TLN2: variants seen among roughly 807,000 people sequenced by gnomAD.
TLN2 encodes the protein talin-2.
TLN2 carries 118 observed loss-of-function variants against 294.7 expected under a neutral mutation model. The ratio of observed to expected loss-of-function variants is 0.40; its 90% CI spans 0.34 to 0.47. The LOEUF (loss-of-function observed/expected upper bound fraction) is 0.47. TLN2 is among the 20% of genes least tolerant of loss of function. The pLI is 0.84. For synonymous variants in TLN2, 1,431 were observed against 1,304.5 expected, an observed-to-expected ratio of 1.10 and a Z score of -2.09; for missense variants, 3,083 against 3,282.2, an observed-to-expected ratio of 0.94 and a Z score of 1.48.
chr15:62,703,765 C>G (rs1421145958), intron 19 of TLN2, among the ~76,000 whole-genome samples: 1 of 152,052 alleles, frequency 6.6e-6, no homozygotes, highest in Non-Finnish European at 1.5e-5. Flanking sequence ...TTTTCAATAC[C>G]AGGGACCTGT....
chr15:62,798,656 G>T (rs1328921757), intron 48 of TLN2, among the ~76,000 whole-genome samples: 1 of 152,162 alleles, frequency 6.6e-6, no homozygotes. Context: ...AGTCTGTCTG[G>T]ACAAAACTGG....
At chr15:62,765,262 C>T (rs2062926452) in intron 40 of TLN2, among the ~76,000 whole-genome samples, 1 of 151,834 alleles carries the variant, frequency 6.6e-6, no homozygotes, top group South Asian at 2.1e-4. Context: ...AAACCCTTGG[C>T]CGTCTTGGAA....
In TLN2 at chr15:62,794,198, G is replaced by A. The variant is rs1017111098; in HGVS notation, c.5883+1411G>A. The stretch of plus-strand genomic sequence containing the variant: ...GCTGGCCTCGGCCGCTACCTGTCCC[G>A]GCTTTGGGTCCCTGATTTAGGACAC... On this transcript the variant is annotated intron_variant, in intron 46 of 58. Coordinates refer to ENST00000636159, the MANE Select transcript of TLN2 (RefSeq NM_015059.3). 4.6e-5 allele frequency among the ~76,000 whole-genome samples: 7 copies of A among 152,190 alleles called. No individual in the cohort carries two copies. The East Asian group carries it at 9.6e-4, about 21-fold the overall frequency.
At chr15:62,405,739 C>A (rs1595734181) in intron 1 of TLN2, among the ~76,000 whole-genome samples, 1 of 152,146 alleles carries the variant, frequency 6.6e-6, no homozygotes, top group Admixed American at 6.6e-5. Flanking sequence ...AGAAGCTGGC[C>A]TGAGTGCTGC....
At chr15:62,727,294 TC>T (rs2060491168) in intron 28 of TLN2, 105 bp downstream of exon 28, 1 of 983,480 alleles carries the variant, frequency 1.0e-6, no homozygotes, top group African/African-American at 1.6e-5. Context: ...GACATTTTTC[TC>T]CCAGCAGTTC....
chr15:62,750,291 C>T (rs1251087847), intron 33 of TLN2, 111 bp from the exon 34 acceptor site: 1 of 862,736 alleles, frequency 1.2e-6, no homozygotes, highest in African/African-American at 1.7e-5. Flanking sequence ...TAAAAGTGAT[C>T]ATGACCAGAA....
At chr15:62,740,553 G>A in intron 31 of TLN2, 77 bp from the exon 32 acceptor site, 2 of 1,585,906 alleles carry the variant, frequency 1.3e-6, no homozygotes, top group Admixed American at 1.7e-5. Context: ...ATGTCAGGAT[G>A]CTGCTCCTAG....
At chr15:62,784,954 A>G (rs1208681021) in intron 45 of TLN2, 2 of 152,066 alleles carry the variant, frequency 1.3e-5, no homozygotes, top group African/African-American at 4.8e-5. Flanking sequence ...AGAGACTCCG[A>G]GAGATATTCC....
rs2141277872 is a variant in TLN2 at position 62,843,215 on chromosome 15, C to T, written c.*2605C>T. ...ATGTGGTTCTTCTCACACCCCTCTA[C>T]TCCTCGAGGGCTTTGAATCCTTGGG... On this transcript the variant is annotated 3_prime_UTR_variant, in exon 59 of 59. Coordinates refer to ENST00000636159, the MANE Select transcript of TLN2 (RefSeq NM_015059.3). 1 of 152,338 alleles carries T rather than the reference C, an allele frequency of 6.6e-6. No homozygotes were observed. The highest frequency in any genetic ancestry group is 2.4e-5 in the African/African-American group (1 of 41,578). The allele number at this position is 152,338 out of a possible 1,614,324, so 9.4% of individuals were successfully genotyped here.
intron 1 of TLN2, among the ~76,000 whole-genome samples, chr15:62,466,549 G>T (rs1394939044): frequency 1.3e-5 from 2 of 152,356 alleles, no homozygotes; most frequent in Middle Eastern, 6.8e-3. Context: ...ATTGCTCCTT[G>T]TTGAGAACCG....
intron 28 of TLN2, among the ~76,000 whole-genome samples, chr15:62,733,237 C>T (rs1456148793): frequency 6.6e-6 from 1 of 152,152 alleles, no homozygotes; most frequent in Admixed American, 6.5e-5. Context: ...AGTTGCTGCC[C>T]AGAAAGTCAT....
chr15:62,668,591 G>A (rs1322192579), intron 9 of TLN2, among the ~76,000 whole-genome samples: 1 of 152,178 alleles, frequency 6.6e-6, no homozygotes, highest in South Asian at 2.1e-4. Context: ...TGCCTACAGG[G>A]TAACTTGGAG....
intron 1 of TLN2, among the ~76,000 whole-genome samples, chr15:62,515,500 A>G (rs965959949): frequency 1.1e-4 from 16 of 152,216 alleles, no homozygotes; most frequent in African/African-American, 3.4e-4. Context: ...AAATATAACT[A>G]TAACAGATCC....
intron 3 of TLN2, among the ~76,000 whole-genome samples, chr15:62,646,514 T>C (rs930647173): frequency 2.0e-5 from 3 of 152,204 alleles, no homozygotes; most frequent in Non-Finnish European, 4.4e-5. Flanking sequence ...AATATCTCCA[T>C]AGTTTGTCTA....
rs540380571 is a variant in TLN2 at position 62,409,410 on chromosome 15, A to T, written c.-238+18725A>T. 2.0e-5 allele frequency among the ~76,000 whole-genome samples: 3 copies of T among 152,280 alleles called. No individual in the cohort carries two copies. In the South Asian group the frequency reaches 6.2e-4, roughly 32 times the overall value. On this transcript the variant is annotated intron_variant, in intron 1 of 58. Transcript: ENST00000636159. ...ATACTGTTAGATTGTTTATATTGGC[A>T]TTTGTTTCCATTTTTTTCTGGCTGT...
At chr15:62,491,988 C>G (rs1265971252) in intron 1 of TLN2, among the ~76,000 whole-genome samples, 2 of 152,002 alleles carry the variant, frequency 1.3e-5, no homozygotes, top group African/African-American at 4.8e-5. Flanking sequence ...GTGGGGGCGT[C>G]TTTTTCTCTC....
chr15:62,614,195 T>A (rs969163137), intron 2 of TLN2, among the ~76,000 whole-genome samples: 19 of 152,238 alleles, frequency 1.2e-4, no homozygotes, highest in African/African-American at 4.6e-4. Flanking sequence ...TTTGCTGTGC[T>A]GCTGTAGCAC....
intron 12 of TLN2, chr15:62,687,863 C>T (rs1253196610): frequency 6.6e-6 from 1 of 152,170 alleles, no homozygotes; most frequent in African/African-American, 2.4e-5. Flanking sequence ...GTGTGGCCCT[C>T]AAAAGATGAA....
At chr15:62,826,908 T>C (rs969228507) in intron 54 of TLN2, among the ~76,000 whole-genome samples, 2 of 152,158 alleles carry the variant, frequency 1.3e-5, no homozygotes, top group African/African-American at 4.8e-5. Flanking sequence ...TCTGATGCAC[T>C]ATGACCTTAT....
Sources: gnomAD v4.1 joint callset for allele counts (sites outside exome capture counted in the v4.1 genomes callset) on GRCh38, gnomAD v4.1.1 for gene constraint, MANE v1.5 for transcripts, NCBI Gene and HGNC (gene_info 2026-07-23, HGNC 2026-07-21) for gene names.